Variants in UBE2E1 observed in about 807,000 individuals in gnomAD.
UBE2E1 encodes ubiquitin-conjugating enzyme E2 E1.
A neutral mutation model predicts 21.4 loss-of-function variants in UBE2E1; 6 were observed. The observed-to-expected ratio is 0.28, with a 90% CI of 0.15 to 0.55. The LOEUF (loss-of-function observed/expected upper bound fraction) is 0.55. Ranked by LOEUF, UBE2E1 falls within the 20% of genes least tolerant of loss-of-function variation. The pLI is 0.93. For missense variants in UBE2E1, 142 were observed against 236.5 expected (o/e 0.60, Z 2.62); for synonymous variants, 87 against 82.7 (o/e 1.05, Z -0.28).
chr3:23,812,074 C>T (rs1425998916), intron 3 of UBE2E1, among the ~76,000 whole-genome samples: 1 of 151,932 alleles, frequency 6.6e-6, no homozygotes, highest in Non-Finnish European at 1.5e-5. Flanking sequence ...TTGCTTTATT[C>T]AGACTGTATA....
chr3:23,837,294 G>A (rs1699992215), intron 3 of UBE2E1, among the ~76,000 whole-genome samples: 1 of 152,180 alleles, frequency 6.6e-6, no homozygotes, highest in Non-Finnish European at 1.5e-5. Context: ...AAGCTAGAAA[G>A]TTTGGGAGCC....
At chr3:23,813,117 C>T (rs569607653) in intron 3 of UBE2E1, among the ~76,000 whole-genome samples, 1 of 152,252 alleles carries the variant, frequency 6.6e-6, no homozygotes, top group South Asian at 2.1e-4. Flanking sequence ...CTCCCAATTA[C>T]CCCTTCAAGG....
Position 23,887,323 on chromosome 3 carries a change from G to A in UBE2E1, c.204-244G>A, listed in dbSNP as rs1701210688. On this transcript the variant is annotated intron_variant, in intron 3 of 5. Transcript: ENST00000306627. The surrounding 1 kb of genome is among the most constrained non-coding windows in gnomAD (Gnocchi z 4.4). Reference sequence around the variant, plus strand: ...AGGAGAGTTTTGAGAATTGAGGAAAGTTTCCTGCTTATTCGTAGCTAGGTA... The same window carrying A: ...AGGAGAGTTTTGAGAATTGAGGAAAATTTCCTGCTTATTCGTAGCTAGGTA... 6.6e-6 allele frequency among the ~76,000 whole-genome samples: 1 copy of A among 152,166 alleles called. No individual in the cohort carries two copies. Among genetic ancestry groups the A allele is most frequent in the African/African-American group, 2.4e-5 (1 of 41,442 alleles).
chr3:23,811,601 C>G (rs768194073), intron 3 of UBE2E1, 91 bp downstream of exon 3: 25 of 1,266,388 alleles, frequency 2.0e-5, no homozygotes, highest in Non-Finnish European at 2.8e-5. Context: ...TTCTTTGATT[C>G]TTTGGCTAAT....
chr3:23,839,643 A>T (rs987452868), intron 3 of UBE2E1, among the ~76,000 whole-genome samples: 5 of 151,742 alleles, frequency 3.3e-5, no homozygotes, highest in African/African-American at 1.2e-4. Flanking sequence ...GCTGGTGACA[A>T]ATTCTTTGTT....
At chr3:23,809,009 CAG>C (rs1699334664) in intron 2 of UBE2E1, among the ~76,000 whole-genome samples, 2 of 152,212 alleles carry the variant, frequency 1.3e-5, no homozygotes, top group South Asian at 4.2e-4. Flanking sequence ...GAGTGAATTA[CAG>C]AGAGGGGGAT....
chr3:23,889,875 G>A (rs1701321962), intron 5 of UBE2E1: 3 of 407,804 alleles, frequency 7.4e-6, no homozygotes, highest in East Asian at 1.6e-4. Flanking sequence ...AGCCTGGGTG[G>A]CAAAGCGAGA....
At chr3:23,826,740 A>G (rs186767878) in intron 3 of UBE2E1, among the ~76,000 whole-genome samples, 147 of 152,294 alleles carry the variant, frequency 9.7e-4, no homozygotes, top group African/African-American at 3.3e-3. Flanking sequence ...TTGTTATGAT[A>G]GCTGAAATAT....
At position 23,822,582 on chromosome 3, in the gene UBE2E1, T is replaced by G. The variant is rs62255309; in HGVS notation, c.203+11072T>G. ...TACCATGCATGTTACAAGTAAATAG[T>G]GTCAGGTTCATGTATTACATCTTGA... On this transcript the variant is annotated intron_variant, in intron 3 of 5. Transcript: ENST00000306627. Among the ~76,000 whole-genome samples the G allele has an allele frequency of 5.6e-3, 850 of 152,352 alleles. 1 individual carries two copies. Among genetic ancestry groups the G allele is most frequent in the Non-Finnish European group, 0.01 (683 of 68,028 alleles).
chr3:23,837,088 A>G (rs1413238447), intron 3 of UBE2E1, among the ~76,000 whole-genome samples: 10 of 152,188 alleles, frequency 6.6e-5, no homozygotes, highest in Admixed American at 4.6e-4. Context: ...CTGTTTCCTT[A>G]TCTGTAAGAT....
At chr3:23,883,476 C>G (rs369280875) in intron 3 of UBE2E1, among the ~76,000 whole-genome samples, 1 of 152,168 alleles carries the variant, frequency 6.6e-6, no homozygotes, top group East Asian at 1.9e-4. Flanking sequence ...CCAGCAGATC[C>G]TAACTTTTCC....
At chr3:23,807,130 G>A in intron 1 of UBE2E1, 107 bp from the exon 2 acceptor site, 1 of 886,080 alleles carries the variant, frequency 1.1e-6, no homozygotes, top group Non-Finnish European at 1.6e-6. Context: ...AGGGCGGTGG[G>A]CGGCCGCGTG....
At chr3:23,818,439 C>A (rs1216460702) in intron 3 of UBE2E1, among the ~76,000 whole-genome samples, 1 of 152,154 alleles carries the variant, frequency 6.6e-6, no homozygotes, top group South Asian at 2.1e-4. Context: ...TGATTTCTGT[C>A]TTTGATTCTG....
At chr3:23,882,833 C>T (rs769524308) in intron 3 of UBE2E1, among the ~76,000 whole-genome samples, 6 of 152,196 alleles carry the variant, frequency 3.9e-5, no homozygotes, top group Admixed American at 2.6e-4. Context: ...GCTCCGAGTG[C>T]GGGGCTGCCA....
chr3:23,828,130 A>T (rs899539403), intron 3 of UBE2E1, among the ~76,000 whole-genome samples: 2 of 152,158 alleles, frequency 1.3e-5, no homozygotes, highest in Admixed American at 6.5e-5. Flanking sequence ...CCGAGTTTTT[A>T]AAAAATATGA....
At chr3:23,837,931 G>A (rs1212408902) in intron 3 of UBE2E1, among the ~76,000 whole-genome samples, 3 of 152,106 alleles carry the variant, frequency 2.0e-5, no homozygotes, top group Non-Finnish European at 2.9e-5. Flanking sequence ...CCACTAATCT[G>A]CATTGCTTAT....
Position 23,806,146 on chromosome 3 carries a change from A to C in UBE2E1, c.-34+58A>C. 1 of 142,890 alleles carries C rather than the reference A, an allele frequency of 7.0e-6. No individual in the cohort carries two copies. The highest frequency in any genetic ancestry group is 2.2e-4 in the East Asian group (1 of 4,464). The allele number at this position is 142,890 out of a possible 1,614,324, so 8.9% of individuals were successfully genotyped here. ...CCGGCCGCGCCGCCGGGCCTCGGGG[A>C]CACCCCTCGCCGCCTCCCCCGACTC... On this transcript the variant is annotated intron_variant, in intron 1 of 5. Coordinates refer to ENST00000306627, the MANE Select transcript of UBE2E1 (RefSeq NM_003341.5). This position sits in a 1 kb window ranked among gnomAD's most constrained non-coding sequence, Gnocchi z 6.5.
At chr3:23,867,837 A>G (rs1287134974) in intron 3 of UBE2E1, among the ~76,000 whole-genome samples, 1 of 152,192 alleles carries the variant, frequency 6.6e-6, no homozygotes, top group Admixed American at 6.5e-5. Context: ...TAGTCTGAGT[A>G]TTTCCAAATT....
intron 3 of UBE2E1, among the ~76,000 whole-genome samples, chr3:23,883,407 TAG>T (rs1198687143): frequency 6.6e-6 from 1 of 152,162 alleles, no homozygotes; most frequent in African/African-American, 2.4e-5. Flanking sequence ...GGCCTTCTTA[TAG>T]AGTTGTTAAT....
Sources: gnomAD v4.1 joint callset for allele counts (sites outside exome capture counted in the v4.1 genomes callset) on GRCh38, gnomAD v4.1.1 for gene constraint, Gnocchi (gnomAD v3.1) non-coding constraint, MANE v1.5 for transcripts, NCBI Gene and HGNC (gene_info 2026-07-23, HGNC 2026-07-21) for gene names.